Variants in DLG2 observed in about 807,000 individuals in gnomAD.
The protein encoded by DLG2 is disks large homolog 2.
In DLG2, 45 loss-of-function variants were observed where a neutral mutation model predicts 132.5. The observed-to-expected ratio is 0.34, with a 90% CI of 0.27 to 0.44. The LOEUF is 0.44. Among genes scored for constraint, DLG2 ranks in the 20% least tolerant of loss-of-function variants. The pLI is 1.00. For synonymous variants in DLG2, 424 were observed against 419.6 expected, an observed-to-expected ratio of 1.01 and a Z score of -0.13; for missense variants, 1,045 against 1,196.9, an observed-to-expected ratio of 0.87 and a Z score of 1.87.
At position 83,867,789 on chromosome 11, in the gene DLG2, T is replaced by C. The variant is rs566036668; in HGVS notation, c.1565+6631A>G. On this transcript the variant is annotated intron_variant, in intron 16 of 27. Coordinates refer to ENST00000376104, the MANE Select transcript of DLG2 (RefSeq NM_001142699.3). ...GAGAGAATTAGAACCCATGTCTTCA[T>C]AGCCCTTAAATATTTCCTAGCTCTC... is the stretch of plus-strand genomic sequence containing the variant. 2.0e-5 allele frequency among the ~76,000 whole-genome samples: 3 copies of C among 152,336 alleles called. No individual in the cohort carries two copies. In the South Asian group the frequency reaches 6.2e-4, roughly 32 times the overall value.
chr11:85,461,648 C>A (rs1181514564), intron 3 of DLG2, among the ~76,000 whole-genome samples: 2 of 152,130 alleles, frequency 1.3e-5, no homozygotes, highest in Non-Finnish European at 2.9e-5. Context: ...TGATCTTTAT[C>A]TTTATTATCT....
chr11:85,010,536 C>T (rs910024621), intron 6 of DLG2, among the ~76,000 whole-genome samples: 1 of 152,010 alleles, frequency 6.6e-6, no homozygotes, highest in Non-Finnish European at 1.5e-5. Flanking sequence ...TTCTAGTGGG[C>T]GGGTAAAGAT....
intron 6 of DLG2, among the ~76,000 whole-genome samples, chr11:85,107,927 T>TAA (rs5793156): frequency 0.032 from 833 of 26,280 alleles, 286 homozygotes; most frequent in African/African-American, 0.043. Context: ...GGACAAGTCT[T>TAA]AAAAAAAAAA....
intron 21 of DLG2, among the ~76,000 whole-genome samples, chr11:83,510,943 A>G (rs1467576631): frequency 6.8e-6 from 1 of 147,766 alleles, no homozygotes; most frequent in Admixed American, 6.9e-5. Flanking sequence ...AATTCCTCCA[A>G]GATTTTAGAG....
chr11:84,195,898 T>C (rs2096506621), intron 8 of DLG2, among the ~76,000 whole-genome samples: 2 of 152,176 alleles, frequency 1.3e-5, no homozygotes, highest in African/African-American at 4.8e-5. Flanking sequence ...AGTGCAAGGA[T>C]CATGCCTGCT....
chr11:85,344,137 C>G (rs144056675), intron 3 of DLG2, among the ~76,000 whole-genome samples: 1 of 152,154 alleles, frequency 6.6e-6, no homozygotes, highest in Non-Finnish European at 1.5e-5. Context: ...TTCTTTGTAC[C>G]TCTGTCCACC....
At position 84,079,904 on chromosome 11, in the gene DLG2, C is replaced by T. The variant is rs11826138; in HGVS notation, c.749+19019G>A. Among the ~76,000 whole-genome samples the T allele has an allele frequency of 4.2e-3, 647 of 152,306 alleles. 6 individuals carry two copies. Among genetic ancestry groups the T allele is most frequent in the African/African-American group, 0.015 (633 of 41,574 alleles). On this transcript the variant is annotated intron_variant, in intron 10 of 27. Coordinates refer to ENST00000376104, the MANE Select transcript of DLG2 (RefSeq NM_001142699.3). ...CTCTGCCTGAAGACTCCTCCAGCTC[C>T]ATTCACTTGGGTAACAGTTACCCTT...
chr11:83,566,486 G>T (rs1395692067), intron 19 of DLG2, among the ~76,000 whole-genome samples: 1 of 151,952 alleles, frequency 6.6e-6, no homozygotes. Context: ...AATTGGAAGA[G>T]CCAAGTAGGC....
At chr11:84,219,168 A>G (rs11233953) in intron 8 of DLG2, among the ~76,000 whole-genome samples, 24,048 of 152,200 alleles carry the variant, frequency 0.16, 2,113 homozygotes, top group East Asian at 0.25. Flanking sequence ...GCACAATCCT[A>G]CTAAGATATG....
chr11:84,437,958 C>G (rs1470267943), intron 7 of DLG2: 1 of 152,456 alleles, frequency 6.6e-6, no homozygotes, highest in Non-Finnish European at 1.5e-5. Context: ...CATACAGCCT[C>G]GCAGGTAAAT....
In DLG2 at chr11:84,565,768, C is replaced by T. The variant is rs567882688; in HGVS notation, c.358-31037G>A. ...TATGGATTATATTTAGTTGTATTCA[C>T]GTGAGCTTCCCCTACAAGCCTATTA... is the stretch of plus-strand genomic sequence containing the variant. On this transcript the variant is annotated intron_variant, in intron 6 of 27. Coordinates refer to ENST00000376104, the MANE Select transcript of DLG2 (RefSeq NM_001142699.3). Among the ~76,000 whole-genome samples the T allele has an allele frequency of 1.5e-4, 23 of 152,110 alleles. No homozygotes were observed. The South Asian group carries it at 4.6e-3, about 30-fold the overall frequency.
chr11:84,191,329 A>T (rs2096404227), intron 8 of DLG2, among the ~76,000 whole-genome samples: 2 of 152,314 alleles, frequency 1.3e-5, no homozygotes, highest in South Asian at 4.1e-4. Flanking sequence ...ATTCAAATGG[A>T]CTTAGTCTTT....
chr11:85,114,974 G>T (rs1050868381), intron 5 of DLG2, among the ~76,000 whole-genome samples: 1 of 151,836 alleles, frequency 6.6e-6, no homozygotes, highest in African/African-American at 2.4e-5. Context: ...ATAAAATTTT[G>T]ACCTAAATGT....
In DLG2 at chr11:84,136,669, T is replaced by G. The variant is rs1466460756; in HGVS notation, c.624+26792A>C. Among the ~76,000 whole-genome samples the G allele has an allele frequency of 2.6e-5, 4 of 152,114 alleles. No homozygotes were observed. The South Asian group carries it at 8.3e-4, about 32-fold the overall frequency. On this transcript the variant is annotated intron_variant, in intron 9 of 27. Transcript: ENST00000376104. ...GAGATTTTTAAACAAAATATGACCG[T>G]AAACAGTGGGTCAGAAACTTTGCAG... is the stretch of plus-strand genomic sequence containing the variant.
intron 6 of DLG2, among the ~76,000 whole-genome samples, chr11:85,057,458 T>A (rs1170029039): frequency 1.3e-5 from 2 of 151,648 alleles, no homozygotes; most frequent in African/African-American, 4.8e-5. Context: ...CAAAATAACT[T>A]ACCAAAACCA....
At chr11:84,154,611 T>C (rs2095386357) in intron 9 of DLG2, among the ~76,000 whole-genome samples, 1 of 152,162 alleles carries the variant, frequency 6.6e-6, no homozygotes, top group East Asian at 1.9e-4. Context: ...AACTCGTCAT[T>C]TACATTAGGT....
intron 19 of DLG2, among the ~76,000 whole-genome samples, chr11:83,563,379 A>G (rs915504571): frequency 1.3e-5 from 2 of 152,178 alleles, no homozygotes; most frequent in African/African-American, 2.4e-5. Flanking sequence ...AATAAAATCC[A>G]CAGGACTTTG....
intron 7 of DLG2, chr11:84,273,426 G>A: frequency 9.2e-7 from 1 of 1,089,554 alleles, no homozygotes; most frequent in Non-Finnish European, 1.2e-6. Context: ...ATTTCTTTTG[G>A]GGGATAACTG....
chr11:85,015,979 A>G (rs1328761724), intron 6 of DLG2, among the ~76,000 whole-genome samples: 3 of 152,170 alleles, frequency 2.0e-5, no homozygotes, highest in African/African-American at 7.2e-5. Flanking sequence ...CTACTACAAA[A>G]AAGTCAATAT....
Sources: allele counts gnomAD v4.1 joint callset (sites outside exome capture counted in the v4.1 genomes callset), GRCh38; gene constraint gnomAD v4.1.1; transcripts MANE v1.5; gene names NCBI Gene and HGNC (gene_info 2026-07-23, HGNC 2026-07-21).